Variants in HMGN5 observed in about 807,000 individuals in gnomAD.
The protein encoded by HMGN5 is high mobility group nucleosome binding domain 5.
A neutral mutation model predicts 9.5 loss-of-function variants in HMGN5; 4 were observed. The ratio of observed to expected loss-of-function variants is 0.42; its 90% CI spans 0.21 to 0.96. The LOEUF (loss-of-function observed/expected upper bound fraction) is 0.96. Among genes scored for constraint, HMGN5 ranks in the 40% least tolerant of loss-of-function variants. The probability of loss-of-function intolerance (pLI) is 0.30; values close to 1 mark genes in which losing one functional copy is unlikely to be tolerated. For missense variants in HMGN5, 192 were observed against 187.5 expected, an observed-to-expected ratio of 1.02 and a Z score of -0.14; for synonymous variants, 55 against 57.1, an observed-to-expected ratio of 0.96 and a Z score of 0.16.
intron 1 of HMGN5, among the ~76,000 whole-genome samples, chrX:81,124,173 G>GA (rs910291350): frequency 2.7e-5 from 3 of 111,969 alleles, no homozygotes; most frequent in African/African-American, 3.2e-5. Context: ...TTATTAAATT[G>GA]AAAAAATAGT....
Position 81,116,299 on chromosome X carries a change from T to C in HMGN5, c.172A>G (p.Thr58Ala). 1 of 1,193,383 alleles carries C rather than the reference T, an allele frequency of 8.4e-7. No homozygotes were observed. Among genetic ancestry groups the C allele is most frequent in the Non-Finnish European group, 1.1e-6 (1 of 880,094 alleles). The change falls in exon 6 of 7, where the codon ACA (threonine) becomes GCA (alanine). Residue 58 changes from threonine to alanine, a missense_variant. Thr to Ala is a moderately conservative substitution (Grantham distance 58). Transcript: ENST00000358130. ...KSDMMEENID[T>A]SAQAVAETKQ... ...GTTTCAGCAACTGCTTGGGCACTTG[T>C]ATCTATGTTTTCTTCCATCATATCA...
chrX:81,188,483 T>TTA (rs955860373), intron 1 of HMGN5, among the ~76,000 whole-genome samples: 5 of 109,259 alleles, frequency 4.6e-5, no homozygotes, highest in South Asian at 3.9e-4. Context: ...TCTACTTTTT[T>TTA]TATATATATA....
rs1200741027 is a variant in HMGN5, at chrX:81,121,628, A to C, written c.-79T>G. 26 of 776,831 alleles carry C rather than the reference A, an allele frequency of 3.3e-5. No individual in the cohort carries two copies. The highest frequency in any genetic ancestry group is 4.9e-5 in the Non-Finnish European group (26 of 535,746). The allele number at this position is 776,831 out of a possible 1,213,427, so 64.0% of individuals were successfully genotyped here. On this transcript the variant is annotated 5_prime_UTR_variant, in exon 2 of 7. In the 5' UTR this introduces an upstream ATG that the reference lacks. Coordinates refer to ENST00000358130, the MANE Select transcript of HMGN5 (RefSeq NM_030763.3). Reference sequence around the variant, plus strand: ...TCACTGCCTGACTGCTCCAAGAGCAAATGAGTTTTCAATGAACTAACTGCA... The same window carrying C: ...TCACTGCCTGACTGCTCCAAGAGCACATGAGTTTTCAATGAACTAACTGCA...
In HMGN5 at chrX:81,114,226, A is replaced by G. The variant is rs990993169; in HGVS notation, c.*423T>C. On this transcript the variant is annotated 3_prime_UTR_variant, in exon 7 of 7. Transcript: ENST00000358130. ...AATAATAAAGTTATATTTGGGAAAG[A>G]TAAGTTTAACTCTTAACATTACATG... 1 of 113,464 alleles carries G rather than the reference A, an allele frequency of 8.8e-6. No homozygotes were observed. The highest frequency in any genetic ancestry group is 3.2e-5 in the African/African-American group (1 of 30,993). The allele number at this position is 113,464 out of a possible 1,213,427, so 9.4% of individuals were successfully genotyped here. A position where few individuals can be genotyped will look rare whatever the true frequency, so the allele number is the denominator to read the frequency against.
intron 1 of HMGN5, among the ~76,000 whole-genome samples, chrX:81,189,046 G>T (rs182872524): frequency 1.9e-4 from 21 of 111,676 alleles, no homozygotes; most frequent in Admixed American, 1.8e-3. Flanking sequence ...TTTCTTGTGG[G>T]ACAGGTCTGG....
chrX:81,139,486 A>C (rs191429868), intron 1 of HMGN5, among the ~76,000 whole-genome samples: 92 of 110,852 alleles, frequency 8.3e-4, no homozygotes, highest in Non-Finnish European at 1.5e-3. Context: ...ACAGTAATTT[A>C]ACAACTATCT....
Position 81,113,879 on chromosome X carries a change from C to T in HMGN5, c.*770G>A, listed in dbSNP as rs2075244125. ...AAATTCTCTGGAATTAAACAGTGGA[C>T]ACAACATTGTGAATATACTGACAAC... On this transcript the variant is annotated 3_prime_UTR_variant, in exon 7 of 7. Transcript: ENST00000358130. 1 of 111,511 alleles carries T rather than the reference C, an allele frequency of 9.0e-6. No individual in the cohort carries two copies. The highest frequency in any genetic ancestry group is 1.9e-5 in the Non-Finnish European group (1 of 53,041). The allele number at this position is 111,511 out of a possible 1,213,427, so 9.2% of individuals were successfully genotyped here.
Position 81,172,086 on chromosome X carries a change from T to TA in HMGN5, c.-124+29650dup, listed in dbSNP as rs36022380. Reference sequence around the variant, plus strand: ...CTTGTTTAAATCATCTTTCTTTCCCTAAAAAAAAAAATTGAGGAGGCTGTA... The same window carrying TA: ...CTTGTTTAAATCATCTTTCTTTCCCTAAAAAAAAAAAATTGAGGAGGCTGTA... On this transcript the variant is annotated intron_variant, in intron 1 of 6. Transcript: ENST00000358130. 7.0e-4 allele frequency among the ~76,000 whole-genome samples: 73 copies of TA among 104,817 alleles called. 1 individual carries two copies. The highest frequency in any genetic ancestry group is 5.2e-3 in the South Asian group (13 of 2,508). 91.0% of individuals were successfully genotyped at this position (104,817 alleles called of 115,157 possible).
chrX:81,167,402 T>C (rs774580630), intron 1 of HMGN5, among the ~76,000 whole-genome samples: 119 of 110,633 alleles, frequency 1.1e-3, no homozygotes, highest in Middle Eastern at 9.3e-3. Context: ...TTTTGACTAC[T>C]ATCCACAAAT....
chrX:81,135,221 T>C (rs765343352), intron 1 of HMGN5, among the ~76,000 whole-genome samples: 1 of 111,614 alleles, frequency 9.0e-6, no homozygotes, highest in Non-Finnish European at 1.9e-5. Context: ...AAGTAATATG[T>C]ACAACAAGGG....
At chrX:81,183,659 C>T (rs1400873778) in intron 1 of HMGN5, among the ~76,000 whole-genome samples, 2 of 112,792 alleles carry the variant, frequency 1.8e-5, no homozygotes, top group Admixed American at 9.3e-5. Flanking sequence ...GTGGAGCCCT[C>T]ATGGAGAACC....
At chrX:81,162,235 A>C (rs956227715) in intron 1 of HMGN5, among the ~76,000 whole-genome samples, 4 of 110,318 alleles carry the variant, frequency 3.6e-5, no homozygotes, top group African/African-American at 1.3e-4. Flanking sequence ...TGTCTGATAG[A>C]GTGGATTATA....
At chrX:81,181,073 G>A (rs1274460974) in intron 1 of HMGN5, among the ~76,000 whole-genome samples, 1 of 110,669 alleles carries the variant, frequency 9.0e-6, no homozygotes, top group Non-Finnish European at 1.9e-5. Context: ...GGGAGGGATA[G>A]CATTAGGAGA....
chrX:81,121,165 C>G (rs779811236), intron 2 of HMGN5, among the ~76,000 whole-genome samples: 1 of 109,987 alleles, frequency 9.1e-6, no homozygotes, highest in Admixed American at 9.6e-5. Flanking sequence ...CGAGAAAAGC[C>G]GGTGGCAGAG....
chrX:81,140,367 T>C (rs2075324803), intron 1 of HMGN5, among the ~76,000 whole-genome samples: 1 of 110,199 alleles, frequency 9.1e-6, no homozygotes, highest in Non-Finnish European at 1.9e-5. Context: ...GAGACCATCC[T>C]GGCTAACAAG....
At chrX:81,201,190 C>T (rs3810675) in intron 1 of HMGN5, among the ~76,000 whole-genome samples, 1 of 108,581 alleles carries the variant, frequency 9.2e-6, no homozygotes, top group Admixed American at 9.8e-5. Flanking sequence ...ACTGACTCCT[C>T]TCCACTCTCA....
At chrX:81,170,327 G>A (rs893019412) in intron 1 of HMGN5, among the ~76,000 whole-genome samples, 5 of 111,455 alleles carry the variant, frequency 4.5e-5, no homozygotes, top group Non-Finnish European at 9.4e-5. Context: ...AGTAGAGCAA[G>A]CACTACCTAT....
chrX:81,138,850 A>G (rs1323026891), intron 1 of HMGN5, among the ~76,000 whole-genome samples: 4 of 112,085 alleles, frequency 3.6e-5, no homozygotes, highest in Non-Finnish European at 7.5e-5. Flanking sequence ...AACAGGTGGA[A>G]AATAAAATTA....
intron 2 of HMGN5, among the ~76,000 whole-genome samples, chrX:81,121,047 A>G (rs757136651): frequency 9.2e-6 from 1 of 109,247 alleles, no homozygotes; most frequent in South Asian, 4.2e-4. Context: ...CCTGACAAGA[A>G]GTGGAGGAGG....
Sources: gnomAD v4.1 joint callset for allele counts (sites outside exome capture counted in the v4.1 genomes callset) on GRCh38, gnomAD v4.1.1 for gene constraint, MANE v1.5 for transcripts, NCBI Gene and HGNC (gene_info 2026-07-23, HGNC 2026-07-21) for gene names.